The following ZNF385D variants were observed in gnomAD, a reference collection of about 807,000 sequenced individuals.
The protein encoded by ZNF385D is zinc finger protein 659.
In ZNF385D, 15 loss-of-function variants were observed where a neutral mutation model predicts 35.8. The observed-to-expected ratio is 0.42, with a 90% CI of 0.28 to 0.64. The LOEUF (loss-of-function observed/expected upper bound fraction) is 0.64, where lower values mean the gene tolerates loss of function less well. Among genes scored for constraint, ZNF385D ranks in the 30% least tolerant of loss-of-function variants. The pLI is 0.23. For synonymous variants in ZNF385D, 212 were observed against 186.8 expected, an observed-to-expected ratio of 1.13 and a Z score of -1.10; for missense variants, 474 against 494.6, an observed-to-expected ratio of 0.96 and a Z score of 0.39.
At position 22,159,717 on chromosome 3, in the gene ZNF385D, TCTA is replaced by T. The variant is rs551885652; in HGVS notation, c.325+9097_325+9099del. On this transcript the variant is annotated intron_variant, in intron 3 of 5. Coordinates refer to the ZNF385D transcript ENST00000494108. ...GTGAAATTAGCATTTTTCACTTTCT[TCTA>T]CATTTTTATCCTTCAATGATAAAAA... is the stretch of plus-strand genomic sequence containing the variant. Among the ~76,000 whole-genome samples the T allele has an allele frequency of 1.7e-3, 257 of 152,260 alleles. 1 individual carries two copies. The highest frequency in any genetic ancestry group is 5.8e-3 in the African/African-American group (242 of 41,568).
chr3:21,815,191 G>A (rs9808993), intron 3 of ZNF385D, among the ~76,000 whole-genome samples: 26,672 of 152,122 alleles, frequency 0.18, 2,468 homozygotes, highest in Non-Finnish European at 0.2. Flanking sequence ...GCAGTGTGTA[G>A]AGGGGAATTT....
intron 2 of ZNF385D, among the ~76,000 whole-genome samples, chr3:21,638,226 T>A (rs1375340830): frequency 1.3e-5 from 2 of 152,082 alleles, no homozygotes; most frequent in Admixed American, 6.6e-5. Flanking sequence ...GAATTCTCCA[T>A]GAATCTTATG....
At chr3:21,583,492 C>G (rs916399955) in intron 2 of ZNF385D, among the ~76,000 whole-genome samples, 2 of 152,196 alleles carry the variant, frequency 1.3e-5, no homozygotes, top group Non-Finnish European at 2.9e-5. Context: ...ACTCTCTGCT[C>G]TAACCTTCCC....
intron 2 of ZNF385D, among the ~76,000 whole-genome samples, chr3:22,355,578 A>C (rs1050365446): frequency 6.6e-6 from 1 of 151,970 alleles, no homozygotes; most frequent in African/African-American, 2.4e-5. Flanking sequence ...TGACTTAAAG[A>C]AGGTACCTGG....
intron 5 of ZNF385D, among the ~76,000 whole-genome samples, chr3:21,427,451 A>G (rs1701074242): frequency 6.6e-6 from 1 of 152,160 alleles, no homozygotes; most frequent in Non-Finnish European, 1.5e-5. Flanking sequence ...CTGGTGTTTC[A>G]TAGGTGGAAG....
intron 3 of ZNF385D, among the ~76,000 whole-genome samples, chr3:22,079,039 A>G (rs1700608979): frequency 6.6e-6 from 1 of 152,088 alleles, no homozygotes; most frequent in South Asian, 2.1e-4. Context: ...AGCTTACATG[A>G]AAGATGTAGA....
intron 2 of ZNF385D, among the ~76,000 whole-genome samples, chr3:22,184,410 C>G: frequency 6.6e-6 from 1 of 151,330 alleles, no homozygotes; most frequent in East Asian, 1.9e-4. Flanking sequence ...TAATTTTCCT[C>G]TCATTGTGGC....
chr3:21,610,066 C>G (rs1032925582), intron 2 of ZNF385D, among the ~76,000 whole-genome samples: 2 of 151,618 alleles, frequency 1.3e-5, no homozygotes, highest in Non-Finnish European at 2.9e-5. Context: ...TTATTACTTT[C>G]TTTAAATACT....
intron 2 of ZNF385D, among the ~76,000 whole-genome samples, chr3:22,185,478 T>C (rs1215265694): frequency 6.6e-6 from 1 of 152,174 alleles, no homozygotes; most frequent in African/African-American, 2.4e-5. Flanking sequence ...GTTCACTTTT[T>C]CTTTCTTTTT....
At chr3:21,811,129 A>C (rs1428817685) in intron 3 of ZNF385D, among the ~76,000 whole-genome samples, 2 of 152,228 alleles carry the variant, frequency 1.3e-5, no homozygotes, top group East Asian at 3.9e-4. Context: ...AAATAATCTC[A>C]AATCTTAAAT....
intron 3 of ZNF385D, among the ~76,000 whole-genome samples, chr3:22,064,136 G>T (rs1289529009): frequency 6.6e-6 from 1 of 152,222 alleles, no homozygotes. Flanking sequence ...GAAATCAAGA[G>T]AAGTGGAATT....
chr3:21,883,140 T>G (rs1053290253), intron 3 of ZNF385D, among the ~76,000 whole-genome samples: 17 of 151,964 alleles, frequency 1.1e-4, no homozygotes, highest in African/African-American at 4.1e-4. Context: ...CAGATAAGAC[T>G]ATTATCTATT....
intron 3 of ZNF385D, among the ~76,000 whole-genome samples, chr3:22,103,868 A>G (rs2125630082): frequency 6.6e-6 from 1 of 152,214 alleles, no homozygotes; most frequent in Middle Eastern, 3.4e-3. Flanking sequence ...TCTTGAGAAA[A>G]TACTAATATC....
chr3:21,450,153 G>A (rs1242755798), intron 4 of ZNF385D, among the ~76,000 whole-genome samples: 4 of 152,164 alleles, frequency 2.6e-5, no homozygotes, highest in Non-Finnish European at 5.9e-5. Flanking sequence ...TGAGGAGGGT[G>A]CTCATGGTCA....
intron 2 of ZNF385D, among the ~76,000 whole-genome samples, chr3:22,325,018 C>T (rs1044276959): frequency 3.3e-5 from 5 of 152,102 alleles, no homozygotes; most frequent in Admixed American, 1.3e-4. Flanking sequence ...AATAACAGTA[C>T]GTACTTTCTA....
chr3:22,338,646 G>C, intron 2 of ZNF385D, among the ~76,000 whole-genome samples: 1 of 149,344 alleles, frequency 6.7e-6, no homozygotes, highest in East Asian at 2.0e-4. Flanking sequence ...TTTTAGTTTT[G>C]ATATTATAAA....
At chr3:21,692,018 A>G (rs1362248278) in intron 1 of ZNF385D, among the ~76,000 whole-genome samples, 1 of 152,168 alleles carries the variant, frequency 6.6e-6, no homozygotes, top group Non-Finnish European at 1.5e-5. Flanking sequence ...ACTTAGCATA[A>G]TGTTTTCAAG....
chr3:22,141,809 T>G (rs1000727994), intron 3 of ZNF385D, among the ~76,000 whole-genome samples: 4 of 152,202 alleles, frequency 2.6e-5, no homozygotes, highest in Non-Finnish European at 5.9e-5. Context: ...ATTTTATAAC[T>G]GAGGAAGCTA....
intron 3 of ZNF385D, among the ~76,000 whole-genome samples, chr3:22,042,332 AGTG>A (rs1364919905): frequency 6.6e-6 from 1 of 152,112 alleles, no homozygotes; most frequent in Non-Finnish European, 1.5e-5. Flanking sequence ...GCCCATATTA[AGTG>A]CCCAATTTTA....
Sources: allele counts gnomAD v4.1 joint callset (sites outside exome capture counted in the v4.1 genomes callset), GRCh38; gene constraint gnomAD v4.1.1; transcripts MANE v1.5; gene names NCBI Gene and HGNC (gene_info 2026-07-23, HGNC 2026-07-21).